SH3D19: variants seen among roughly 807,000 people sequenced by gnomAD.
The protein encoded by SH3D19 is SH3 domain-containing protein 19.
A neutral mutation model predicts 112.1 loss-of-function variants in SH3D19; 58 were observed. The ratio of observed to expected loss-of-function variants is 0.52; its 90% CI spans 0.42 to 0.64. SH3D19 has a LOEUF of 0.64. Among genes scored for constraint, SH3D19 ranks in the 30% least tolerant of loss-of-function variants. The pLI is 0.00. For synonymous variants in SH3D19, 391 were observed against 448.5 expected (o/e 0.87, Z 1.62); for missense variants, 1,090 against 1,263.4 (o/e 0.86, Z 2.08).
At chr4:151,147,787 A>T in intron 11 of SH3D19, 135 bp downstream of exon 11, 8 of 1,098,144 alleles carry the variant, frequency 7.3e-6, no homozygotes, top group Non-Finnish European at 1.0e-5. Context: ...ATTATGGCCT[A>T]CTCATCTAAA....
chr4:151,249,425 G>A (rs77150720), intron 1 of SH3D19, among the ~76,000 whole-genome samples: 3,477 of 152,140 alleles, frequency 0.023, 55 homozygotes, highest in Middle Eastern at 0.065. Context: ...GAATTAGCAC[G>A]AGCAAATGAA....
chr4:151,172,519 A>G (rs1415681637), intron 7 of SH3D19, among the ~76,000 whole-genome samples: 1 of 152,204 alleles, frequency 6.6e-6, no homozygotes, highest in Non-Finnish European at 1.5e-5. Context: ...TTGGAAGGTA[A>G]AACCAGCAGG....
chr4:151,212,156 A>AT (rs1379653214), intron 2 of SH3D19, among the ~76,000 whole-genome samples: 5 of 152,138 alleles, frequency 3.3e-5, no homozygotes, highest in Admixed American at 1.3e-4. Context: ...CCATTAAATA[A>AT]TTTTTTTATT....
intron 1 of SH3D19, among the ~76,000 whole-genome samples, chr4:151,273,901 T>C (rs2149999644): frequency 6.6e-6 from 1 of 152,346 alleles, no homozygotes; most frequent in East Asian, 1.9e-4. Flanking sequence ...GTGCTATGAA[T>C]AAGAAATCTT....
intron 1 of SH3D19, among the ~76,000 whole-genome samples, chr4:151,268,576 T>G (rs560916281): frequency 1.3e-4 from 19 of 144,058 alleles, no homozygotes; most frequent in African/African-American, 4.4e-4. Flanking sequence ...TATCTCCTAA[T>G]GCTATCCCTC....
chr4:151,122,945 G>T (rs531577348), intron 19 of SH3D19, among the ~76,000 whole-genome samples: 4 of 146,888 alleles, frequency 2.7e-5, no homozygotes, highest in Non-Finnish European at 6.0e-5. Flanking sequence ...TCTGCCTCCC[G>T]GGTTCAAACA....
intron 9 of SH3D19, among the ~76,000 whole-genome samples, chr4:151,158,321 T>TG (rs1156244871): frequency 6.6e-6 from 1 of 152,112 alleles, no homozygotes; most frequent in Non-Finnish European, 1.5e-5. Flanking sequence ...TTTTTTGAGA[T>TG]GGAGTCTCAC....
intron 9 of SH3D19, among the ~76,000 whole-genome samples, chr4:151,150,322 CAT>C (rs368581545): frequency 0.028 from 3,445 of 123,694 alleles, 56 homozygotes; most frequent in Middle Eastern, 0.049. Context: ...TATATATATA[CAT>C]ATATATATAT....
chr4:151,155,876 G>A (rs968200467), intron 9 of SH3D19, among the ~76,000 whole-genome samples: 11 of 152,044 alleles, frequency 7.2e-5, no homozygotes, highest in East Asian at 5.8e-4. Flanking sequence ...GCGACAGAGC[G>A]AGACTCTGTC....
intron 1 of SH3D19, among the ~76,000 whole-genome samples, chr4:151,289,124 G>A (rs1245605394): frequency 1.3e-5 from 2 of 152,164 alleles, no homozygotes; most frequent in African/African-American, 4.8e-5. Flanking sequence ...TATTGAATCA[G>A]TTCAATGAAC....
intron 12 of SH3D19, among the ~76,000 whole-genome samples, chr4:151,142,403 C>T (rs1753164804): frequency 6.6e-6 from 1 of 152,174 alleles, no homozygotes; most frequent in South Asian, 2.1e-4. Context: ...CCCCTCAGCC[C>T]CAGGCAACCA....
At chr4:151,138,871 T>C (rs916781306) in intron 13 of SH3D19, among the ~76,000 whole-genome samples, 1 of 152,174 alleles carries the variant, frequency 6.6e-6, no homozygotes, top group Non-Finnish European at 1.5e-5. Flanking sequence ...TTGCTCTTGT[T>C]GCCCAGGGTG....
chr4:151,152,643 C>T (rs1209883255), intron 9 of SH3D19, among the ~76,000 whole-genome samples: 4 of 150,336 alleles, frequency 2.7e-5, no homozygotes, highest in East Asian at 2.0e-4. Context: ...CTCAGCCTGC[C>T]GAGTAGCTGG....
At chr4:151,284,927 C>A (rs1198529731) in intron 1 of SH3D19, among the ~76,000 whole-genome samples, 4 of 152,142 alleles carry the variant, frequency 2.6e-5, no homozygotes, top group African/African-American at 9.7e-5. Flanking sequence ...GAACTTGGGA[C>A]TCTCGCTCTG....
chr4:151,159,861 T>A (rs1756822931), intron 8 of SH3D19, among the ~76,000 whole-genome samples: 1 of 152,162 alleles, frequency 6.6e-6, no homozygotes, highest in Admixed American at 6.5e-5. Flanking sequence ...TGTAGAAAGT[T>A]CTATCGCACA....
chr4:151,239,875 A>G (rs1345740921), intron 1 of SH3D19, among the ~76,000 whole-genome samples: 1 of 152,196 alleles, frequency 6.6e-6, no homozygotes, highest in Non-Finnish European at 1.5e-5. Context: ...TGGCAGCTGA[A>G]AAGTTATAAA....
chr4:151,147,752 T>C (rs1561228841), intron 11 of SH3D19, among the ~76,000 whole-genome samples, 170 bp downstream of exon 11: 1 of 152,232 alleles, frequency 6.6e-6, no homozygotes, highest in Non-Finnish European at 1.5e-5. Context: ...TGTGAGCCAC[T>C]GTGCCCAACC....
At chr4:151,139,923 T>C in intron 12 of SH3D19, 76 bp from the exon 13 acceptor site, 1 of 1,403,710 alleles carries the variant, frequency 7.1e-7, no homozygotes, top group Non-Finnish European at 1.0e-6. Context: ...GAGACCAATT[T>C]TTTTTTTCTC....
Position 151,139,820 on chromosome 4 carries a change from C to G in SH3D19, c.2251G>C (p.Asp751His). The G allele has an allele frequency of 1.2e-6, 2 of 1,614,132 alleles. No individual in the cohort carries two copies. Among genetic ancestry groups the G allele is most frequent in the South Asian group, 2.2e-5 (2 of 91,066 alleles). ...NDPSHAQKPV[D>H]SGAPHAVVLH... ...ACGACAGCATGAGGAGCACCACTGT[C>G]AACAGGCTTCTGAGCGTGGCTTGGA... The change falls in exon 13 of 20, where the codon GAC becomes CAC. Residue 751 changes from aspartate to histidine, a missense_variant. Physicochemically the swap from Asp to His is moderately conservative, Grantham distance 81. Coordinates refer to ENST00000604030, the MANE Select transcript of SH3D19 (RefSeq NM_001378122.1).
Sources: allele counts gnomAD v4.1 joint callset (sites outside exome capture counted in the v4.1 genomes callset), GRCh38; gene constraint gnomAD v4.1.1; transcripts MANE v1.5; gene names NCBI Gene and HGNC (gene_info 2026-07-23, HGNC 2026-07-21).